The following PDILT variants were observed in gnomAD, a reference collection of about 807,000 sequenced individuals.
The protein encoded by PDILT is protein disulfide-isomerase-like protein of the testis.
Under a neutral mutation model 53.7 loss-of-function variants are expected in PDILT, and 43 were observed. That is an observed-to-expected ratio of 0.80 (90% CI 0.63 to 1.03). The LOEUF is 1.03. Ranked by LOEUF, PDILT falls within the 50% of genes least tolerant of loss-of-function variation. The pLI is 0.00. For missense variants in PDILT, 727 were observed against 712.3 expected, an observed-to-expected ratio of 1.02 and a Z score of -0.24; for synonymous variants, 282 against 274.2, an observed-to-expected ratio of 1.03 and a Z score of -0.28.
chr16:20,363,475 ATGTGTGTG>A (rs10535681), intron 9 of PDILT, among the ~76,000 whole-genome samples: 8 of 110,370 alleles, frequency 7.2e-5, no homozygotes, highest in Admixed American at 2.4e-4. Flanking sequence ...GTGTATGTGT[ATGTGTGTG>A]TGTGTGTGTG....
intron 3 of PDILT, among the ~76,000 whole-genome samples, chr16:20,377,670 CT>C (rs544317654): frequency 5.3e-5 from 8 of 152,218 alleles, no homozygotes; most frequent in Admixed American, 5.2e-4. Flanking sequence ...AAAGAATGCA[CT>C]GGGCCAGGCG....
intron 11 of PDILT, among the ~76,000 whole-genome samples, chr16:20,359,805 G>A (rs1361362369): frequency 6.6e-6 from 1 of 152,180 alleles, no homozygotes; most frequent in Non-Finnish European, 1.5e-5. Flanking sequence ...ACCTTTGGGG[G>A]AACCAAAGGT....
At chr16:20,393,789 T>A (rs1966632198) in intron 2 of PDILT, among the ~76,000 whole-genome samples, 1 of 152,112 alleles carries the variant, frequency 6.6e-6, no homozygotes, top group South Asian at 2.1e-4. Flanking sequence ...TATGGCAAAT[T>A]GATAAGCATG....
intron 2 of PDILT, among the ~76,000 whole-genome samples, chr16:20,387,406 A>T (rs369542913): frequency 1.3e-5 from 2 of 152,178 alleles, no homozygotes; most frequent in South Asian, 2.1e-4. Context: ...GGGCCAGTGT[A>T]TGCAAAGGCC....
rs1204696057 is a variant in PDILT, at chr16:20,362,351, C to T, written c.1416+53G>A. On this transcript the variant is annotated intron_variant, in intron 10 of 11. Transcript: ENST00000302451. ...CTGGTGGTAGGGAGAAACTGAGTCC[C>T]TGATAATAACATAACATTGTTTTCA... 2.5e-6 allele frequency: 4 copies of T among 1,583,072 alleles called. No individual in the cohort carries two copies. In the East Asian group the frequency reaches 6.8e-5, roughly 27 times the overall value.
chr16:20,373,305 A>C (rs559336626), intron 5 of PDILT, among the ~76,000 whole-genome samples, 183 bp from the exon 6 acceptor site: 11 of 152,176 alleles, frequency 7.2e-5, no homozygotes, highest in Non-Finnish European at 1.5e-4. Flanking sequence ...CAGTGGGTAG[A>C]ATCTGGGTAG....
At chr16:20,401,799 T>C (rs563877878) in intron 1 of PDILT, among the ~76,000 whole-genome samples, 2 of 152,222 alleles carry the variant, frequency 1.3e-5, no homozygotes, top group African/African-American at 4.8e-5. Flanking sequence ...GGAGCTACAG[T>C]GGGCTCCCTC....
chr16:20,360,342 C>T (rs1966080710), intron 11 of PDILT, among the ~76,000 whole-genome samples: 2 of 152,026 alleles, frequency 1.3e-5, no homozygotes, highest in African/African-American at 2.4e-5. Flanking sequence ...TACCTCAGAG[C>T]CTTGGTCTTT....
At chr16:20,387,606 TTTTTC>T (rs1346597690) in intron 2 of PDILT, among the ~76,000 whole-genome samples, 3 of 152,022 alleles carry the variant, frequency 2.0e-5, no homozygotes, top group Non-Finnish European at 4.4e-5. Context: ...TGAGTTACTC[TTTTTC>T]TTTTCTTTTT....
At chr16:20,379,361 CAG>C (rs1966429326) in intron 3 of PDILT, among the ~76,000 whole-genome samples, 1 of 152,128 alleles carries the variant, frequency 6.6e-6, no homozygotes, top group Non-Finnish European at 1.5e-5. Flanking sequence ...TCAGTAGAGA[CAG>C]GGTTTCACCA....
intron 8 of PDILT, 147 bp from the exon 9 acceptor site, chr16:20,365,687 C>G: frequency 9.5e-7 from 1 of 1,052,400 alleles, no homozygotes; most frequent in Non-Finnish European, 1.4e-6. Flanking sequence ...TGAGATGGAT[C>G]ATGAGCTTGA....
At position 20,377,385 on chromosome 16, in the gene PDILT, T is replaced by C. The variant is rs193037045; in HGVS notation, c.410-1184A>G. ...ACTCATTTATTTCTTCCCTCATTTA[T>C]TTACTTGGCAAATATGTACCGAGTG... On this transcript the variant is annotated intron_variant, in intron 3 of 11. Transcript: ENST00000302451. 2.0e-5 allele frequency among the ~76,000 whole-genome samples: 3 copies of C among 152,370 alleles called. No individual in the cohort carries two copies. In the East Asian group the frequency reaches 5.8e-4, roughly 29 times the overall value.
intron 5 of PDILT, among the ~76,000 whole-genome samples, chr16:20,373,392 T>A (rs943946389): frequency 6.6e-6 from 1 of 152,184 alleles, no homozygotes; most frequent in Non-Finnish European, 1.5e-5. Flanking sequence ...GCCATTGTCA[T>A]GCTGTGTAAT....
intron 2 of PDILT, among the ~76,000 whole-genome samples, chr16:20,397,031 ATCT>A (rs1374763046): frequency 6.6e-6 from 1 of 152,220 alleles, no homozygotes; most frequent in Non-Finnish European, 1.5e-5. Context: ...GGAAGCCAAC[ATCT>A]TCTTAAGTTC....
At chr16:20,398,097 C>T (rs186589592) in intron 2 of PDILT, among the ~76,000 whole-genome samples, 58 of 152,268 alleles carry the variant, frequency 3.8e-4, no homozygotes, top group East Asian at 3.1e-3. Flanking sequence ...ACCCATCACA[C>T]GGGGTTGTGA....
chr16:20,360,751 A>C, intron 10 of PDILT, 94 bp from the exon 11 acceptor site: 2 of 880,982 alleles, frequency 2.3e-6, no homozygotes, highest in Admixed American at 3.5e-5. Context: ...TCAAATTCCT[A>C]ACAACCCCGG....
intron 9 of PDILT, 151 bp downstream of exon 9, chr16:20,365,269 T>G: frequency 1.2e-6 from 1 of 829,176 alleles, no homozygotes. Context: ...CCTGATAGCA[T>G]CTTGAGTCAA....
chr16:20,401,216 G>A (rs944989143), intron 1 of PDILT, among the ~76,000 whole-genome samples: 9 of 152,208 alleles, frequency 5.9e-5, no homozygotes, highest in Non-Finnish European at 1.5e-5. Flanking sequence ...TGATCTCAAG[G>A]TCCCAGAATT....
intron 2 of PDILT, among the ~76,000 whole-genome samples, chr16:20,398,524 A>T (rs578218786): frequency 3.3e-5 from 5 of 152,254 alleles, no homozygotes; most frequent in Admixed American, 2.0e-4. Flanking sequence ...CCATCTACTC[A>T]GATGTATGAG....
Sources: gnomAD v4.1 joint callset for allele counts (sites outside exome capture counted in the v4.1 genomes callset) on GRCh38, gnomAD v4.1.1 for gene constraint, MANE v1.5 for transcripts, NCBI Gene and HGNC (gene_info 2026-07-23, HGNC 2026-07-21) for gene names.